TSPEAR: variants seen among roughly 807,000 people sequenced by gnomAD.
TSPEAR encodes thrombospondin type laminin G domain and EAR repeats.
In TSPEAR, 69 loss-of-function variants were observed where a neutral mutation model predicts 71.6. The ratio of observed to expected loss-of-function variants is 0.96; its 90% CI spans 0.79 to 1.18. The LOEUF is 1.18. Among genes scored for constraint, TSPEAR ranks in the 50% most tolerant of loss-of-function variants. The pLI, the probability that TSPEAR is intolerant of heterozygous loss-of-function variation, is 0.00. For synonymous variants in TSPEAR, 402 were observed against 387.2 expected, an observed-to-expected ratio of 1.04 and a Z score of -0.45; for missense variants, 971 against 894.9, an observed-to-expected ratio of 1.09 and a Z score of -1.09.
At chr21:44,643,700 C>G (rs587661974) in intron 1 of TSPEAR, among the ~76,000 whole-genome samples, 1 of 152,284 alleles carries the variant, frequency 6.6e-6, no homozygotes, top group Non-Finnish European at 1.5e-5. Flanking sequence ...TTAATACACA[C>G]ACATTCACAC....
chr21:44,661,164 C>A (rs1985467313), intron 1 of TSPEAR, among the ~76,000 whole-genome samples: 1 of 151,232 alleles, frequency 6.6e-6, no homozygotes, highest in South Asian at 2.1e-4. Context: ...GTCCCAGCTA[C>A]TCGGGAGGCT....
chr21:44,514,376 G>A (rs2145937113), intron 9 of TSPEAR, among the ~76,000 whole-genome samples: 1 of 152,196 alleles, frequency 6.6e-6, no homozygotes, highest in Non-Finnish European at 1.5e-5. Context: ...ACACACACGT[G>A]TGCATGAGTG....
At chr21:44,674,096 G>A (rs1986187558) in intron 1 of TSPEAR, among the ~76,000 whole-genome samples, 1 of 145,344 alleles carries the variant, frequency 6.9e-6, no homozygotes, top group South Asian at 2.2e-4. Context: ...GCCAGTCTGA[G>A]CAACACAGTA....
chr21:44,608,385 G>C (rs1981443917), intron 1 of TSPEAR, among the ~76,000 whole-genome samples: 1 of 152,136 alleles, frequency 6.6e-6, no homozygotes, highest in South Asian at 2.1e-4. Context: ...TTGGTAGCTT[G>C]GATTTAGCTG....
At position 44,573,382 on chromosome 21, in the gene TSPEAR, A is replaced by G. The variant is rs9974403; in HGVS notation, c.83-5377T>C. ...GCACACACACGGCAGAGCCACCCGC[A>G]GGCACCCACTCCCCATAGCCCGGCA... On this transcript the variant is annotated intron_variant, in intron 1 of 11. Coordinates refer to ENST00000323084, the MANE Select transcript of TSPEAR (RefSeq NM_144991.3). 3.3e-3 allele frequency among the ~76,000 whole-genome samples: 501 copies of G among 151,634 alleles called. 2 individuals are homozygous for G. The highest frequency in any genetic ancestry group is 0.011 in the African/African-American group (469 of 41,320).
At chr21:44,638,764 G>T (rs1286200090) in intron 1 of TSPEAR, among the ~76,000 whole-genome samples, 7 of 151,984 alleles carry the variant, frequency 4.6e-5, no homozygotes, top group African/African-American at 1.7e-4. Context: ...AGGAGTTTCG[G>T]GACAAAGTGG....
At chr21:44,641,493 A>C (rs782580186) in intron 1 of TSPEAR, among the ~76,000 whole-genome samples, 11 of 152,284 alleles carry the variant, frequency 7.2e-5, no homozygotes, top group Non-Finnish European at 1.0e-4. Context: ...GAAGAGCCTG[A>C]GATCTGAGTG....
intron 1 of TSPEAR, among the ~76,000 whole-genome samples, chr21:44,686,952 ACCCTGGG>A (rs1555948997): frequency 6.6e-6 from 1 of 152,144 alleles, no homozygotes; most frequent in Non-Finnish European, 1.5e-5. Flanking sequence ...GTGGAGCTTG[ACCCTGGG>A]ATGTCGGGAA....
At chr21:44,653,753 AC>A (rs1163645672) in intron 1 of TSPEAR, among the ~76,000 whole-genome samples, 1 of 152,224 alleles carries the variant, frequency 6.6e-6, no homozygotes, top group African/African-American at 2.4e-5. Context: ...CATTTAAGGA[AC>A]AAAGTGGGAC....
At chr21:44,673,258 C>T (rs1601552184) in intron 1 of TSPEAR, among the ~76,000 whole-genome samples, 1 of 152,076 alleles carries the variant, frequency 6.6e-6, no homozygotes, top group Admixed American at 6.5e-5. Flanking sequence ...ATTCAAAGTG[C>T]TGAAAGAAAG....
intron 1 of TSPEAR, among the ~76,000 whole-genome samples, chr21:44,602,729 G>A (rs1176653059): frequency 6.6e-6 from 1 of 152,188 alleles, no homozygotes; most frequent in African/African-American, 2.4e-5. Context: ...CCCCAACATC[G>A]CACACGCAGC....
At chr21:44,643,816 C>T (rs1416507721) in intron 1 of TSPEAR, among the ~76,000 whole-genome samples, 1 of 152,236 alleles carries the variant, frequency 6.6e-6, no homozygotes, top group Admixed American at 6.5e-5. Flanking sequence ...GAGACCAAGG[C>T]TGTGCGACAA....
At chr21:44,574,057 G>C in intron 1 of TSPEAR, 4 of 1,613,146 alleles carry the variant, frequency 2.5e-6, no homozygotes, top group Non-Finnish European at 3.4e-6. Context: ...CTGGCTTGCT[G>C]TGCCTCCTCC....
rs146110394 is a variant in TSPEAR at position 44,543,770 on chromosome 21, C to G, written c.304-9847G>C. 5.7e-4 allele frequency among the ~76,000 whole-genome samples: 87 copies of G among 152,318 alleles called. No individual in the cohort carries two copies. The East Asian group carries it at 0.012, about 21-fold the overall frequency. On this transcript the variant is annotated intron_variant, in intron 2 of 11. Transcript: ENST00000323084. ...TAGAAGGAGCAAGGGCATATTCTCCCTTGGAGCTCGGAGAAAGCATTGCCC... is the reference window on the plus strand; with the variant it reads ...TAGAAGGAGCAAGGGCATATTCTCCGTTGGAGCTCGGAGAAAGCATTGCCC...
rs1281207637 is a variant in TSPEAR, at chr21:44,520,497, G to C, written c.1566+1386C>G. ...CCTGGATGACGCTGTGCCCCAGCCT[G>C]CCAGAGGGCTGAGCACGTGGGAGTC... On this transcript the variant is annotated intron_variant, in intron 9 of 11. Coordinates refer to ENST00000323084, the MANE Select transcript of TSPEAR (RefSeq NM_144991.3). The surrounding 1 kb of genome is among the most constrained non-coding windows in gnomAD (Gnocchi z 4.2). The C allele has an allele frequency of 6.6e-6, 1 of 152,272 alleles. No individual in the cohort carries two copies. The highest frequency in any genetic ancestry group is 1.5e-5 in the Non-Finnish European group (1 of 68,070). 9.4% of individuals were successfully genotyped at this position (152,272 alleles called of 1,614,324 possible). A position where few individuals can be genotyped will look rare whatever the true frequency, so the allele number is the denominator to read the frequency against.
rs587726112 is a variant in TSPEAR at position 44,539,791 on chromosome 21, T to C, written c.304-5868A>G. On this transcript the variant is annotated intron_variant, in intron 2 of 11. Transcript: ENST00000323084. ...GCTGGCAGCTAGACTGCTGGCAGCA[T>C]GAAGAGGAATCCTTAGAGCAGGTGG... 12 of 1,604,360 alleles carry C rather than the reference T, an allele frequency of 7.5e-6. No homozygotes were observed. In the East Asian group the frequency reaches 2.5e-4, roughly 33 times the overall value.
At chr21:44,585,010 C>T (rs903039501) in intron 1 of TSPEAR, among the ~76,000 whole-genome samples, 1 of 152,120 alleles carries the variant, frequency 6.6e-6, no homozygotes, top group South Asian at 2.1e-4. Flanking sequence ...TCTTTAATGT[C>T]TGCTTATTTT....
chr21:44,594,850 TCTCA>T (rs2060831017), intron 1 of TSPEAR, among the ~76,000 whole-genome samples: 1 of 133,774 alleles, frequency 7.5e-6, no homozygotes, highest in African/African-American at 3.1e-5. Context: ...TGAGATGCAG[TCTCA>T]CTCTGTTGCC....
At chr21:44,611,965 C>A (rs1412847447) in intron 1 of TSPEAR, 6 of 921,290 alleles carry the variant, frequency 6.5e-6, no homozygotes, top group Non-Finnish European at 1.0e-5. Flanking sequence ...AAAGTCTCAG[C>A]CACAACAAGG....
Sources: gnomAD v4.1 joint callset for allele counts (sites outside exome capture counted in the v4.1 genomes callset) on GRCh38, gnomAD v4.1.1 for gene constraint, Gnocchi (gnomAD v3.1) non-coding constraint, MANE v1.5 for transcripts, NCBI Gene and HGNC (gene_info 2026-07-23, HGNC 2026-07-21) for gene names.